Variants in NFIC observed in about 807,000 individuals in gnomAD.
The protein encoded by NFIC is nuclear factor I C, also known as nuclear factor 1 C-type.
Under a neutral mutation model 54.4 loss-of-function variants are expected in NFIC, and 12 were observed. That is an observed-to-expected ratio of 0.22 (90% CI 0.14 to 0.36). The LOEUF (loss-of-function observed/expected upper bound fraction) is 0.36. Among genes scored for constraint, NFIC ranks in the 10% least tolerant of loss-of-function variants. The pLI, the probability that NFIC is intolerant of heterozygous loss-of-function variation, is 1.00. For synonymous variants in NFIC, 322 were observed against 319.2 expected (o/e 1.01, Z -0.09); for missense variants, 575 against 718.2 (o/e 0.80, Z 2.28).
chr19:3,419,492 A>G (rs1283258904), intron 2 of NFIC, among the ~76,000 whole-genome samples: 1 of 151,786 alleles, frequency 6.6e-6, no homozygotes, highest in Non-Finnish European at 1.5e-5. Context: ...AATTAGGCCG[A>G]GCACAGTGGC....
At chr19:3,362,542 T>C (rs1416494044), upstream of NFIC, among the ~76,000 whole-genome samples, 1 of 152,010 alleles carries the variant, frequency 6.6e-6, no homozygotes, top group African/African-American at 2.4e-5. Flanking sequence ...TCTTTGTGTA[T>C]GTAGCTGTGT....
rs1341751075 is a variant in NFIC, at chr19:3,465,281, TATC to T, written c.*2514_*2516del. On this transcript the variant is annotated 3_prime_UTR_variant, in exon 11 of 11. Coordinates refer to ENST00000443272, the MANE Select transcript of NFIC (RefSeq NM_001245002.2). ...GAGAATAAGTATTACCTTTAAACAATATCAGCGCACACACATAGCTGCATGTTC... is the reference window on the plus strand; with the variant it reads ...GAGAATAAGTATTACCTTTAAACAATAGCGCACACACATAGCTGCATGTTC... The T allele has an allele frequency of 1.4e-5, 2 of 143,498 alleles. No individual in the cohort carries two copies. The highest frequency in any genetic ancestry group is 3.0e-5 in the Non-Finnish European group (2 of 66,608). The allele number at this position is 143,498 out of a possible 1,614,324, so 8.9% of individuals were successfully genotyped here.
At chr19:3,411,605 C>T (rs940691695) in intron 2 of NFIC, among the ~76,000 whole-genome samples, 3 of 152,074 alleles carry the variant, frequency 2.0e-5, no homozygotes, top group Non-Finnish European at 4.4e-5. Context: ...CAGGTGTGAG[C>T]CACCACTCCC....
intron 2 of NFIC, among the ~76,000 whole-genome samples, chr19:3,386,379 G>C (rs1385499166): frequency 7.2e-6 from 1 of 138,630 alleles, no homozygotes; most frequent in Non-Finnish European, 1.5e-5. Context: ...CTGGAGTGCA[G>C]TGGCGCGATC....
intron 2 of NFIC, among the ~76,000 whole-genome samples, chr19:3,424,067 G>T (rs560148401): frequency 6.6e-6 from 1 of 151,712 alleles, no homozygotes; most frequent in African/African-American, 2.4e-5. Context: ...TGCTCTTGTC[G>T]CCCAGACTGG....
intron 6 of NFIC, among the ~76,000 whole-genome samples, chr19:3,440,087 A>G (rs112749799): frequency 4.1e-4 from 63 of 152,266 alleles, no homozygotes; most frequent in African/African-American, 1.5e-3. Context: ...ATTCGCGGCT[A>G]AGCTACAACC....
chr19:3,395,519 TGAG>T, intron 2 of NFIC, among the ~76,000 whole-genome samples: 1 of 144,076 alleles, frequency 6.9e-6, no homozygotes, highest in African/African-American at 2.6e-5. Flanking sequence ...TTAGTAGAGA[TGAG>T]GTCTCACTAT....
rs550181478 is a variant in NFIC, at chr19:3,452,437, C to T, written c.1085-45C>T. ...ACAGTCACACGGTCACAGAGCAGAC[C>T]GGCTGGAGCCCCCAAGTAACCCCCG... On this transcript the variant is annotated intron_variant, in intron 7 of 10. Coordinates refer to ENST00000443272, the MANE Select transcript of NFIC (RefSeq NM_001245002.2). The surrounding 1 kb of genome is among the most constrained non-coding windows in gnomAD (Gnocchi z 5.3). The T allele has an allele frequency of 1.5e-4, 235 of 1,601,384 alleles. 3 individuals carry two copies. In the South Asian group the frequency reaches 2.3e-3, roughly 16 times the overall value.
At chr19:3,432,128 G>A (rs2082129701) in intron 3 of NFIC, among the ~76,000 whole-genome samples, 1 of 152,160 alleles carries the variant, frequency 6.6e-6, no homozygotes, top group South Asian at 2.1e-4. Context: ...CCGAGGGCAG[G>A]ACAGGGCTGT....
intron 6 of NFIC, among the ~76,000 whole-genome samples, chr19:3,440,459 T>C (rs2082276640): frequency 6.6e-6 from 1 of 150,984 alleles, no homozygotes; most frequent in Non-Finnish European, 1.5e-5. Context: ...ACGGAATCTC[T>C]CTCTGTCGCT....
At chr19:3,431,304 G>A (rs1202202139) in intron 3 of NFIC, among the ~76,000 whole-genome samples, 1 of 145,058 alleles carries the variant, frequency 6.9e-6, no homozygotes, top group Non-Finnish European at 1.5e-5. Context: ...GATTACAGGT[G>A]TGAGCTACCA....
chr19:3,399,468 C>T (rs898223383), intron 2 of NFIC, among the ~76,000 whole-genome samples: 6 of 151,970 alleles, frequency 3.9e-5, no homozygotes, highest in Admixed American at 2.0e-4. Flanking sequence ...CCCAGCCACT[C>T]GAGAGGTCGC....
chr19:3,384,838 G>A (rs972566303), intron 2 of NFIC, among the ~76,000 whole-genome samples: 1 of 152,242 alleles, frequency 6.6e-6, no homozygotes, highest in African/African-American at 2.4e-5. Flanking sequence ...GTGACTGCCT[G>A]TTGGGAGCAG....
At chr19:3,400,027 T>C (rs2145533289) in intron 2 of NFIC, among the ~76,000 whole-genome samples, 1 of 151,176 alleles carries the variant, frequency 6.6e-6, no homozygotes, top group South Asian at 2.1e-4. Context: ...TCAAAAATTT[T>C]TGAAAACAAA....
intron 1 of NFIC, among the ~76,000 whole-genome samples, chr19:3,380,314 T>C (rs2081184622): frequency 1.1e-5 from 1 of 92,318 alleles, no homozygotes; most frequent in Middle Eastern, 4.8e-3. Context: ...TTGTTCTTTT[T>C]TTTTTTTTTT....
Position 3,382,006 on chromosome 19 carries a change from C to T in NFIC, c.325C>T (p.Pro109Ser). The T allele has an allele frequency of 6.2e-7, 1 of 1,613,566 alleles. No individual in the cohort carries two copies. The highest frequency in any genetic ancestry group is 8.5e-7 in the Non-Finnish European group (1 of 1,179,934). The part of the protein sequence containing the change: ...KKAPGCVLSN[P>S]DQKGKMRRID... ...GGCGCCGGGCTGCGTGCTCTCCAAC[C>T]CCGACCAGAAGGGCAAGATGCGGCG... The change falls in exon 2 of 11, where the codon CCC (proline) becomes TCC (serine). Residue 109 changes from proline (P) to serine (S), a missense_variant. By Grantham distance (74) the Pro-to-Ser change is moderately conservative. Coordinates refer to ENST00000443272, the MANE Select transcript of NFIC (RefSeq NM_001245002.2).
At chr19:3,434,528 T>A in intron 5 of NFIC, 128 bp downstream of exon 5, 1 of 1,352,928 alleles carries the variant, frequency 7.4e-7, no homozygotes. Flanking sequence ...CCTGAGAAAC[T>A]CCTACTCATC....
At position 3,463,924 on chromosome 19, in the gene NFIC, C is replaced by A; in HGVS notation, c.*1155C>A. On this transcript the variant is annotated 3_prime_UTR_variant, in exon 11 of 11. Transcript: ENST00000443272. Reference sequence around the variant, plus strand: ...CTCCTCCCCCTCCCCTCCAGCCTCTCCACCAGCCCCTCCAGTCAACCCTCA... The same window carrying A: ...CTCCTCCCCCTCCCCTCCAGCCTCTACACCAGCCCCTCCAGTCAACCCTCA... 1 of 980,712 alleles carries A rather than the reference C, an allele frequency of 1.0e-6. No homozygotes were observed. The highest frequency in any genetic ancestry group is 1.2e-6 in the Non-Finnish European group (1 of 826,410). The allele number at this position is 980,712 out of a possible 1,614,324, so 60.8% of individuals were successfully genotyped here. A position where few individuals can be genotyped will look rare whatever the true frequency, so the allele number is the denominator to read the frequency against.
rs1310068593 is a variant in NFIC at position 3,453,152 on chromosome 19, T to C, written c.1269+486T>C. Among the ~76,000 whole-genome samples the C allele has an allele frequency of 6.6e-6, 1 of 152,076 alleles. No individual in the cohort carries two copies. Among genetic ancestry groups the C allele is most frequent in the Non-Finnish European group, 1.5e-5 (1 of 68,018 alleles). On this transcript the variant is annotated intron_variant, in intron 8 of 10. Transcript: ENST00000443272. The surrounding 1 kb of genome is among the most constrained non-coding windows in gnomAD (Gnocchi z 6.7). ...TACTCAGGAGGCTGAGGTGGGAGGATCGCTTGAACCTGGGAGGTCGAGGCT... is the reference window on the plus strand; with the variant it reads ...TACTCAGGAGGCTGAGGTGGGAGGACCGCTTGAACCTGGGAGGTCGAGGCT...
Sources: allele counts gnomAD v4.1 joint callset (sites outside exome capture counted in the v4.1 genomes callset), GRCh38; gene constraint gnomAD v4.1.1; non-coding constraint Gnocchi (gnomAD v3.1); transcripts MANE v1.5; gene names NCBI Gene and HGNC (gene_info 2026-07-23, HGNC 2026-07-21).